DNAAF9: variants seen among roughly 807,000 people sequenced by gnomAD.
DNAAF9 encodes shulin.
In DNAAF9, 90 loss-of-function variants were observed where a neutral mutation model predicts 167.0. The observed-to-expected ratio is 0.54, with a 90% CI of 0.45 to 0.64. DNAAF9 has a LOEUF of 0.64. DNAAF9 is among the 30% of genes least tolerant of loss of function. The probability of loss-of-function intolerance (pLI) is 0.00; values close to 1 mark genes in which losing one functional copy is unlikely to be tolerated. For missense variants in DNAAF9, 1,315 were observed against 1,442.2 expected, an observed-to-expected ratio of 0.91 and a Z score of 1.43; for synonymous variants, 491 against 508.8, an observed-to-expected ratio of 0.96 and a Z score of 0.47.
intron 25 of DNAAF9, among the ~76,000 whole-genome samples, chr20:3,290,637 T>C (rs541481130): frequency 7.2e-5 from 11 of 152,246 alleles, no homozygotes; most frequent in African/African-American, 2.2e-4. Flanking sequence ...AACTATTTCT[T>C]AGGAAAACAC....
At chr20:3,381,908 G>A (rs1175801557) in intron 2 of DNAAF9, among the ~76,000 whole-genome samples, 1 of 152,172 alleles carries the variant, frequency 6.6e-6, no homozygotes, top group East Asian at 1.9e-4. Context: ...GAGGACAAGT[G>A]AGTGGAACCA....
intron 22 of DNAAF9, among the ~76,000 whole-genome samples, 157 bp from the exon 23 acceptor site, chr20:3,297,106 A>G (rs564370131): frequency 1.3e-5 from 2 of 152,282 alleles, no homozygotes; most frequent in Admixed American, 6.5e-5. Flanking sequence ...GCCTGAAGCA[A>G]TTTTGTTCTG....
chr20:3,373,861 C>T (rs560475506), intron 6 of DNAAF9, among the ~76,000 whole-genome samples, 187 bp downstream of exon 6: 1 of 152,304 alleles, frequency 6.6e-6, no homozygotes, highest in East Asian at 1.9e-4. Context: ...AGAAAGGACA[C>T]AGGACCTCAG....
rs1046553564 is a variant in DNAAF9, at chr20:3,251,060, C to T, written c.*1512G>A. ...GGCTTTTGGAGCTGGGACTGGAGCA[C>T]GTGGGTCTTTTCAGAAGCCCTTCTT... is the stretch of plus-strand genomic sequence containing the variant. On this transcript the variant is annotated 3_prime_UTR_variant, in exon 37 of 37. Transcript: ENST00000252032. The T allele has an allele frequency of 1.3e-5, 2 of 151,926 alleles. No homozygotes were observed. Among genetic ancestry groups the T allele is most frequent in the African/African-American group, 2.4e-5 (1 of 41,336 alleles). 9.4% of individuals were successfully genotyped at this position (151,926 alleles called of 1,614,324 possible). A position where few individuals can be genotyped will look rare whatever the true frequency, so the allele number is the denominator to read the frequency against.
chr20:3,358,044 A>G (rs1263970031), intron 7 of DNAAF9, among the ~76,000 whole-genome samples: 3 of 151,962 alleles, frequency 2.0e-5, no homozygotes, highest in Admixed American at 1.3e-4. Context: ...TAAATAAAAT[A>G]AAATTTGGGT....
intron 1 of DNAAF9, among the ~76,000 whole-genome samples, chr20:3,395,568 C>T (rs2083896256): frequency 6.6e-6 from 1 of 152,140 alleles, no homozygotes. Flanking sequence ...GTGTGAGCCA[C>T]CACACCTGGC....
At chr20:3,275,670 A>T (rs145819855) in intron 29 of DNAAF9, among the ~76,000 whole-genome samples, 1 of 152,380 alleles carries the variant, frequency 6.6e-6, no homozygotes, top group African/African-American at 2.4e-5. Flanking sequence ...TACAGCAGTT[A>T]TCTGGAGCAC....
chr20:3,255,007 G>A (rs2068253989), intron 35 of DNAAF9, among the ~76,000 whole-genome samples: 1 of 152,228 alleles, frequency 6.6e-6, no homozygotes. Context: ...TCAATCTGAT[G>A]CCCAGGTCAC....
chr20:3,400,235 T>C (rs986121525), intron 1 of DNAAF9, among the ~76,000 whole-genome samples: 2 of 152,160 alleles, frequency 1.3e-5, no homozygotes, highest in Non-Finnish European at 1.5e-5. Context: ...ATTAAAAACA[T>C]GCTAAATCTA....
In DNAAF9 at chr20:3,348,509, C is replaced by T; in HGVS notation, c.789+16G>A. On this transcript the variant is annotated intron_variant, in intron 8 of 36. Transcript: ENST00000252032. Reference sequence around the variant, plus strand: ...TAACCATTTTATTCTTCCTCTTTGACCCTTCCCTTACATACCTCACCCGCC... The same window carrying T: ...TAACCATTTTATTCTTCCTCTTTGATCCTTCCCTTACATACCTCACCCGCC... The T allele has an allele frequency of 7.2e-7, 1 of 1,383,380 alleles. No individual in the cohort carries two copies. The highest frequency in any genetic ancestry group is 1.0e-6 in the Non-Finnish European group (1 of 995,730). The allele number at this position is 1,383,380 out of a possible 1,614,324, so 85.7% of individuals were successfully genotyped here.
chr20:3,346,699 C>A (rs2070200287), intron 8 of DNAAF9, among the ~76,000 whole-genome samples: 1 of 152,054 alleles, frequency 6.6e-6, no homozygotes, highest in Non-Finnish European at 1.5e-5. Flanking sequence ...TTGTTACCTA[C>A]TGTCAATGGA....
intron 35 of DNAAF9, 64 bp downstream of exon 35, chr20:3,255,155 A>T: frequency 1.0e-6 from 1 of 979,878 alleles, no homozygotes; most frequent in East Asian, 2.6e-5. Context: ...TCCAAAATAC[A>T]GAGCTAGGCA....
chr20:3,322,780 C>G, intron 14 of DNAAF9, 84 bp from the exon 15 acceptor site: 2 of 938,204 alleles, frequency 2.1e-6, no homozygotes, highest in Middle Eastern at 2.1e-4. Context: ...TTGGGATTCT[C>G]AAGGCCACAC....
At chr20:3,281,322 C>A (rs1472045092) in intron 28 of DNAAF9, among the ~76,000 whole-genome samples, 1 of 152,196 alleles carries the variant, frequency 6.6e-6, no homozygotes, top group Non-Finnish European at 1.5e-5. Flanking sequence ...AGCCACCGCA[C>A]CTGGCCTTAA....
At chr20:3,387,357 C>T (rs976061914) in intron 1 of DNAAF9, among the ~76,000 whole-genome samples, 4 of 152,102 alleles carry the variant, frequency 2.6e-5, no homozygotes, top group African/African-American at 7.2e-5. Flanking sequence ...CCCTCACATA[C>T]CTGGTCAAAT....
At chr20:3,351,633 C>A (rs1429981640) in intron 7 of DNAAF9, among the ~76,000 whole-genome samples, 1 of 152,084 alleles carries the variant, frequency 6.6e-6, no homozygotes, top group Non-Finnish European at 1.5e-5. Context: ...ACAGGGCAGG[C>A]AAACAAAACT....
At chr20:3,311,826 G>C (rs1385503085) in intron 20 of DNAAF9, among the ~76,000 whole-genome samples, 1 of 152,168 alleles carries the variant, frequency 6.6e-6, no homozygotes, top group African/African-American at 2.4e-5. Flanking sequence ...CCTGGCCACA[G>C]ACAGCAGGGC....
At chr20:3,374,569 G>T (rs925131604) in intron 5 of DNAAF9, among the ~76,000 whole-genome samples, 4 of 152,136 alleles carry the variant, frequency 2.6e-5, no homozygotes, top group Non-Finnish European at 4.4e-5. Context: ...TTCCTTTCTT[G>T]TTAACAATAG....
intron 6 of DNAAF9, among the ~76,000 whole-genome samples, chr20:3,363,160 C>G (rs182817380): frequency 6.8e-6 from 1 of 147,762 alleles, no homozygotes; most frequent in Non-Finnish European, 1.5e-5. Context: ...ACCCAGGAGG[C>G]GGAGGTTACG....
Sources: gnomAD v4.1 joint callset for allele counts (sites outside exome capture counted in the v4.1 genomes callset) on GRCh38, gnomAD v4.1.1 for gene constraint, MANE v1.5 for transcripts, NCBI Gene and HGNC (gene_info 2026-07-23, HGNC 2026-07-21) for gene names.